ARSG: variants seen among roughly 807,000 people sequenced by gnomAD.
ARSG encodes arylsulfatase G, also known as ASG.
Under a neutral mutation model 50.5 loss-of-function variants are expected in ARSG, and 37 were observed. The ratio of observed to expected loss-of-function variants is 0.73; its 90% CI spans 0.56 to 0.96. ARSG has a LOEUF of 0.96. Among genes scored for constraint, ARSG ranks in the 50% least tolerant of loss-of-function variants. The probability of loss-of-function intolerance (pLI) is 0.00; values close to 1 mark genes in which losing one functional copy is unlikely to be tolerated. For synonymous variants in ARSG, 225 were observed against 254.6 expected (o/e 0.88, Z 1.11); for missense variants, 629 against 675.3 (o/e 0.93, Z 0.76).
intron 6 of ARSG, among the ~76,000 whole-genome samples, chr17:68,363,116 C>T (rs141214024): frequency 8.5e-5 from 13 of 152,168 alleles, no homozygotes; most frequent in South Asian, 4.2e-4. Flanking sequence ...TTATTAATAC[C>T]GCAAGAAGCA....
At chr17:68,314,915 C>G (rs1555767991) in intron 2 of ARSG, among the ~76,000 whole-genome samples, 1 of 152,162 alleles carries the variant, frequency 6.6e-6, no homozygotes, top group Non-Finnish European at 1.5e-5. Context: ...GTGACAAATT[C>G]CTGTTAATCC....
chr17:68,294,793 T>C (rs1458968209), intron 1 of ARSG, among the ~76,000 whole-genome samples: 2 of 152,172 alleles, frequency 1.3e-5, no homozygotes, highest in African/African-American at 4.8e-5. Context: ...AGTGAACCGA[T>C]GGTACAGGTA....
chr17:68,401,500 G>A, intron 11 of ARSG, 50 bp downstream of exon 11: 7 of 1,534,390 alleles, frequency 4.6e-6, no homozygotes, highest in Non-Finnish European at 6.3e-6. Context: ...AGCTGCACGG[G>A]GACCCCATGG....
At chr17:68,356,200 C>G (rs933720835) in intron 5 of ARSG, among the ~76,000 whole-genome samples, 13 of 152,130 alleles carry the variant, frequency 8.5e-5, no homozygotes, top group African/African-American at 3.1e-4. Flanking sequence ...ATATTCTGTC[C>G]TATTGACAGA....
At position 68,419,195 on chromosome 17, in the gene ARSG, T is replaced by C. The variant is rs8075197; in HGVS notation, c.1304-994T>C. ...CCTGCCTTTCTACTTGATTCACCAA[T>C]TGGTAGTCAAGAAATCGATTTTCAA... is the stretch of plus-strand genomic sequence containing the variant. On this transcript the variant is annotated intron_variant, in intron 11 of 11. Transcript: ENST00000621439. Among the ~76,000 whole-genome samples the C allele has an allele frequency of 4.1e-3, 622 of 152,214 alleles. 8 individuals are homozygous for C. Among genetic ancestry groups the C allele is most frequent in the African/African-American group, 0.014 (586 of 41,526 alleles).
At chr17:68,362,429 A>C (rs753175050) in intron 6 of ARSG, among the ~76,000 whole-genome samples, 5 of 152,008 alleles carry the variant, frequency 3.3e-5, no homozygotes, top group Non-Finnish European at 7.4e-5. Context: ...CCCCAGGGCT[A>C]TGTTCTCTGC....
the ARSG span, among the ~76,000 whole-genome samples, chr17:68,431,500 G>A: frequency 6.6e-6 from 1 of 152,138 alleles, no homozygotes; most frequent in Non-Finnish European, 1.5e-5. Context: ...GGGAGGAGCT[G>A]GGACTTCATT....
At chr17:68,370,565 C>A in intron 8 of ARSG, 41 bp downstream of exon 8, 2 of 1,584,894 alleles carry the variant, frequency 1.3e-6, no homozygotes, top group Non-Finnish European at 1.7e-6. Context: ...CATTGCAATG[C>A]TGAGCCCAGG....
intron 3 of ARSG, chr17:68,346,735 C>A: frequency 7.9e-7 from 1 of 1,266,162 alleles, no homozygotes; most frequent in South Asian, 1.3e-5. Flanking sequence ...CGATGTGGGG[C>A]GGTGCACCTG....
chr17:68,297,185 G>A (rs1208364811), intron 1 of ARSG, among the ~76,000 whole-genome samples: 1 of 152,228 alleles, frequency 6.6e-6, no homozygotes, highest in Admixed American at 6.5e-5. Context: ...ATATGGAAAT[G>A]TAACTTCCAT....
chr17:68,412,355 T>G (rs1409451182), intron 11 of ARSG, among the ~76,000 whole-genome samples: 5 of 152,078 alleles, frequency 3.3e-5, no homozygotes, highest in Admixed American at 6.5e-5. Flanking sequence ...GTCTGTAAAG[T>G]ATTTTATTTC....
At chr17:68,262,170 C>CAA (rs35446089) in intron 1 of ARSG, among the ~76,000 whole-genome samples, 4,364 of 138,064 alleles carry the variant, frequency 0.032, 221 homozygotes, top group African/African-American at 0.1. Flanking sequence ...CGAAAACAAA[C>CAA]AAAAAAAAAA....
At chr17:68,270,466 A>G (rs2075301281) in intron 1 of ARSG, among the ~76,000 whole-genome samples, 1 of 151,826 alleles carries the variant, frequency 6.6e-6, no homozygotes, top group Non-Finnish European at 1.5e-5. Context: ...AGGCAGGAGA[A>G]TCACTTGAAT....
rs556050843 is a variant in ARSG, at chr17:68,379,452, C to G, written c.983-5612C>G. On this transcript the variant is annotated intron_variant, in intron 8 of 11. Transcript: ENST00000621439. The stretch of plus-strand genomic sequence containing the variant: ...TTTTTTTTTTTTTTTTTTTTTTTTA[C>G]AGAGATGGAGCAGAGGGGTCTTGCT... 2.6e-4 allele frequency among the ~76,000 whole-genome samples: 8 copies of G among 30,414 alleles called. 1 individual carries two copies. In the East Asian group the frequency reaches 6.1e-3, roughly 23 times the overall value. The allele number at this position is 30,414 out of a possible 152,430, so 20.0% of individuals were successfully genotyped here.
At chr17:68,392,976 T>C (rs879472846) in intron 9 of ARSG, among the ~76,000 whole-genome samples, 15 of 152,284 alleles carry the variant, frequency 9.9e-5, no homozygotes, top group South Asian at 4.1e-4. Context: ...TCTAAGCCAA[T>C]GGCTGTCACC....
In ARSG at chr17:68,307,528, G is replaced by A. The variant is rs1555764708; in HGVS notation, c.35G>A (p.Gly12Glu). The change falls in exon 2 of 12, where the codon GGA (glycine) becomes GAA (glutamate). Residue 12 changes from glycine to glutamate, a missense_variant. Transcript: ENST00000621439. Reference protein sequence around the residue: ...GWLFLKVLLAGVSFSGFLYPL... With the variant: ...GWLFLKVLLAEVSFSGFLYPL... ...CTTTTTCTAAAGGTTTTGTTGGCGG[G>A]AGTGAGTTTCTCAGGATTTCTTTAT... 6.2e-7 allele frequency: 1 copy of A among 1,614,178 alleles called. No individual in the cohort carries two copies. Among genetic ancestry groups the A allele is most frequent in the Non-Finnish European group, 8.5e-7 (1 of 1,180,018 alleles).
chr17:68,313,932 G>A (rs1294781967), intron 2 of ARSG, among the ~76,000 whole-genome samples: 1 of 152,016 alleles, frequency 6.6e-6, no homozygotes, highest in Admixed American at 6.6e-5. Context: ...ACCTGCCTTG[G>A]CCTCCCAAAG....
At chr17:68,338,131 T>C (rs1202563095) in intron 2 of ARSG, among the ~76,000 whole-genome samples, 4 of 152,068 alleles carry the variant, frequency 2.6e-5, no homozygotes, top group Admixed American at 1.3e-4. Context: ...TCAAGAGGCC[T>C]TCCCCAGGCC....
At chr17:68,311,510 G>A (rs1555766708) in intron 2 of ARSG, among the ~76,000 whole-genome samples, 1 of 152,156 alleles carries the variant, frequency 6.6e-6, no homozygotes, top group African/African-American at 2.4e-5. Context: ...CTTTGCAAAT[G>A]TTATTAATTA....
Sources: gnomAD v4.1 joint callset for allele counts (sites outside exome capture counted in the v4.1 genomes callset) on GRCh38, gnomAD v4.1.1 for gene constraint, MANE v1.5 for transcripts, NCBI Gene and HGNC (gene_info 2026-07-23, HGNC 2026-07-21) for gene names.